The following PRH1 variants were observed in gnomAD, a reference collection of about 807,000 sequenced individuals.
PRH1 encodes salivary acidic proline-rich phosphoprotein 1/2.
PRH1 carries 7 observed loss-of-function variants against 7.9 expected under a neutral mutation model. The observed-to-expected ratio is 0.89, with a 90% confidence interval of 0.50 to 1.67. The LOEUF (loss-of-function observed/expected upper bound fraction) is 1.67. PRH1 is among the 40% of genes most tolerant of loss of function. The probability of loss-of-function intolerance (pLI) is 0.00; values close to 1 mark genes in which losing one functional copy is unlikely to be tolerated. For synonymous variants in PRH1, 45 were observed against 80.8 expected, an observed-to-expected ratio of 0.56 and a Z score of 2.38; for missense variants, 109 against 223.6, an observed-to-expected ratio of 0.49 and a Z score of 3.27.
In PRH1 at chr12:11,077,295, G is replaced by A. The variant is rs112062453; in HGVS notation, n.124-30107C>T. 1.6e-4 allele frequency: 30 copies of A among 189,526 alleles called. 2 individuals are homozygous for A. The South Asian group carries it at 2.6e-3, about 17-fold the overall frequency. 11.7% of individuals were successfully genotyped at this position (189,526 alleles called of 1,614,324 possible). ...GTTTGTTTTCTGCTAGAAGACACAC[G>A]ATGCACCCCTTGTGAATCTATGGAG... On this transcript the variant is annotated intron_variant and non_coding_transcript_variant, in intron 1 of 4. Transcript: ENST00000541977.
rs1335644516 is a variant in PRH1 at position 10,994,075 on chromosome 12, G to C, written c.-125-20354C>G. ...GCTCATAGTCAGCCATGATTGGAGG[G>C]CATGAGCACATCTGAATGGCACAAG... is the stretch of plus-strand genomic sequence containing the variant. On this transcript the variant is annotated intron_variant, in intron 1 of 3. Coordinates refer to the PRH1 transcript ENST00000539853. 3.9e-5 allele frequency among the ~76,000 whole-genome samples: 6 copies of C among 152,302 alleles called. No homozygotes were observed. The East Asian group carries it at 1.2e-3, about 29-fold the overall frequency.
chr12:11,120,201 T>C (rs1371892445), downstream of PRH1, among the ~76,000 whole-genome samples: 3 of 152,176 alleles, frequency 2.0e-5, no homozygotes, highest in South Asian at 2.1e-4. Context: ...GGTAATGGAA[T>C]GTAGTTTGGG....
chr12:11,113,365 T>A (rs997639380), intron 1 of PRH1, among the ~76,000 whole-genome samples: 1 of 151,836 alleles, frequency 6.6e-6, no homozygotes, highest in East Asian at 1.9e-4. Context: ...CCAAAACAGA[T>A]ATATAGACCA....
intron 1 of PRH1, among the ~76,000 whole-genome samples, chr12:11,042,213 T>C (rs898051802): frequency 2.0e-5 from 3 of 151,826 alleles, no homozygotes; most frequent in Non-Finnish European, 2.9e-5. Context: ...TTAAACAACA[T>C]TGACAAACGT....
intron 1 of PRH1, among the ~76,000 whole-genome samples, chr12:11,025,233 TG>T (rs1005632894): frequency 6.6e-6 from 1 of 152,170 alleles, no homozygotes; most frequent in African/African-American, 2.4e-5. Context: ...TTAGCCAGCA[TG>T]GATTGTCATT....
At chr12:11,031,620 T>C (rs1352030624) in intron 1 of PRH1, among the ~76,000 whole-genome samples, 1 of 152,110 alleles carries the variant, frequency 6.6e-6, no homozygotes, top group Non-Finnish European at 1.5e-5. Flanking sequence ...CCTCCCATTT[T>C]CCTTTTTTTG....
intron 1 of PRH1, chr12:11,006,322 T>C (rs985343297): frequency 2.6e-5 from 4 of 151,882 alleles, no homozygotes; most frequent in African/African-American, 9.7e-5. Context: ...CCTGTGTTAC[T>C]AGATATTTAG....
intron 2 of PRH1, among the ~76,000 whole-genome samples, chr12:10,889,322 A>C (rs557469292): frequency 6.6e-6 from 1 of 152,286 alleles, no homozygotes; most frequent in East Asian, 1.9e-4. Context: ...ACTTTTGAGC[A>C]CTTTAAATAT....
At chr12:11,004,903 T>G (rs367987480) in intron 1 of PRH1, among the ~76,000 whole-genome samples, 1 of 152,158 alleles carries the variant, frequency 6.6e-6, no homozygotes, top group African/African-American at 2.4e-5. Flanking sequence ...AGTTTAATAA[T>G]AGCTGTCCAT....
chr12:11,131,945 C>G (rs1228031392), intron 1 of PRH1, among the ~76,000 whole-genome samples: 1 of 152,126 alleles, frequency 6.6e-6, no homozygotes, highest in East Asian at 1.9e-4. Context: ...GGTTCTAGGT[C>G]CTGGGAGTCA....
At chr12:10,911,692 C>T (rs1043167701) in intron 2 of PRH1, among the ~76,000 whole-genome samples, 10 of 152,066 alleles carry the variant, frequency 6.6e-5, no homozygotes, top group Admixed American at 1.3e-4. Flanking sequence ...ATTTAGCTAA[C>T]CTCATATCAT....
Position 10,903,305 on chromosome 12 carries a change from C to G in PRH1, c.-58-19030G>C, listed in dbSNP as rs147049145. Among the ~76,000 whole-genome samples, 722 of 152,140 alleles carry G rather than the reference C, an allele frequency of 4.7e-3. 6 individuals carry two copies. The highest frequency in any genetic ancestry group is 0.017 in the African/African-American group (693 of 41,538). ...TAAAGTGTTCAATTCAACAAGAAGACTTAACTGCCCCAAATATACATGCAC... is the reference window on the plus strand; with the variant it reads ...TAAAGTGTTCAATTCAACAAGAAGAGTTAACTGCCCCAAATATACATGCAC... On this transcript the variant is annotated intron_variant, in intron 2 of 3. Coordinates refer to the PRH1 transcript ENST00000539853.
intron 2 of PRH1, chr12:10,930,320 T>A (rs1591690041): frequency 1.2e-6 from 2 of 1,608,084 alleles, no homozygotes; most frequent in East Asian, 4.5e-5. Flanking sequence ...TCCCAATAAA[T>A]TCTCAGTAAA....
chr12:10,924,234 G>T (rs985125482), intron 2 of PRH1, among the ~76,000 whole-genome samples: 1 of 151,966 alleles, frequency 6.6e-6, no homozygotes, highest in African/African-American at 2.4e-5. Flanking sequence ...TGATCCACCC[G>T]CCTCGGCCTC....
intron 1 of PRH1, among the ~76,000 whole-genome samples, chr12:11,012,531 C>T (rs1941111606): frequency 1.3e-5 from 2 of 152,120 alleles, no homozygotes; most frequent in South Asian, 4.1e-4. Context: ...TTCTGTGTTA[C>T]TTGATACTTA....
chr12:11,123,169 A>T lies in PRH1; in HGVS notation n.40-1989T>A, dbSNP rs1422018832. ...ACATGGTTGCATGTACATGTGATTC[A>T]TTTATTTTCACTTCTGTATATTTTT... On this transcript the variant is annotated intron_variant and non_coding_transcript_variant, in intron 1 of 1. Coordinates refer to the PRH1 transcript ENST00000541175. Among the ~76,000 whole-genome samples the T allele has an allele frequency of 4.2e-5, 6 of 144,164 alleles. No homozygotes were observed. The East Asian group carries it at 9.5e-4, about 23-fold the overall frequency. The allele number at this position is 144,164 out of a possible 152,430, so 94.6% of individuals were successfully genotyped here. A position where few individuals can be genotyped will look rare whatever the true frequency, so the allele number is the denominator to read the frequency against.
chr12:11,109,773 G>A (rs1483503082), intron 1 of PRH1, among the ~76,000 whole-genome samples: 4 of 152,054 alleles, frequency 2.6e-5, no homozygotes, highest in Non-Finnish European at 4.4e-5. Context: ...TCTTCCAAAG[G>A]ATCACAACTC....
In PRH1 at chr12:10,908,783, A is replaced by C. The variant is rs763264582; in HGVS notation, c.-58-24508T>G. ...ATTTGACCGACACTGAAAATGTTTC[A>C]AAGTCACTCATACTGAAATTCCAAG... On this transcript the variant is annotated intron_variant, in intron 2 of 3. Coordinates refer to the PRH1 transcript ENST00000539853. 57 of 1,613,912 alleles carry C rather than the reference A, an allele frequency of 3.5e-5. No individual in the cohort carries two copies. The highest frequency in any genetic ancestry group is 3.3e-4 in the Middle Eastern group (2 of 6,084).
intron 1 of PRH1, chr12:11,061,226 TAG>T: frequency 8.0e-7 from 1 of 1,255,312 alleles, no homozygotes; most frequent in Non-Finnish European, 1.1e-6. Flanking sequence ...AGACTAACGT[TAG>T]GTAAAAGACT....
Sources: allele counts gnomAD v4.1 joint callset (sites outside exome capture counted in the v4.1 genomes callset), GRCh38; gene constraint gnomAD v4.1.1; transcripts MANE v1.5; gene names NCBI Gene and HGNC (gene_info 2026-07-23, HGNC 2026-07-21).